The following FRMPD4 variants were observed in gnomAD, a reference collection of about 807,000 sequenced individuals.
FRMPD4 encodes the protein FERM and PDZ domain-containing protein 4.
A neutral mutation model predicts 94.1 loss-of-function variants in FRMPD4; 22 were observed. The observed-to-expected ratio is 0.23, with a 90% CI of 0.17 to 0.33. FRMPD4 has a LOEUF of 0.33. Ranked by LOEUF, FRMPD4 falls within the 10% of genes least tolerant of loss-of-function variation. The pLI, the probability that FRMPD4 is intolerant of heterozygous loss-of-function variation, is 1.00. For missense variants in FRMPD4, 1,111 were observed against 1,339.9 expected (o/e 0.83, Z 2.67); for synonymous variants, 631 against 548.6 (o/e 1.15, Z -2.10).
chrX:12,099,239 A>C (rs957033542), intron 3 of FRMPD4, among the ~76,000 whole-genome samples: 1 of 111,144 alleles, frequency 9.0e-6, no homozygotes, highest in African/African-American at 3.3e-5. Context: ...ATATATATAT[A>C]TTTCCAGTTG....
At chrX:12,368,931 TA>T (rs2056123747) in intron 1 of FRMPD4, among the ~76,000 whole-genome samples, 1 of 111,533 alleles carries the variant, frequency 9.0e-6, no homozygotes, top group South Asian at 3.8e-4. Context: ...AGCTATAAGT[TA>T]ACACCAAACT....
chrX:12,372,745 A>C (rs2056180437), intron 1 of FRMPD4, among the ~76,000 whole-genome samples: 1 of 112,699 alleles, frequency 8.9e-6, no homozygotes, highest in Admixed American at 9.3e-5. Context: ...GATCCTAGGA[A>C]GATGACATGT....
At chrX:12,324,567 T>A (rs940323881) in intron 1 of FRMPD4, among the ~76,000 whole-genome samples, 5 of 112,080 alleles carry the variant, frequency 4.5e-5, no homozygotes, top group Admixed American at 2.8e-4. Flanking sequence ...TCAACTGAAG[T>A]GCAATTTGAA....
intron 3 of FRMPD4, among the ~76,000 whole-genome samples, chrX:11,919,480 A>G (rs913519604): frequency 3.6e-5 from 4 of 111,157 alleles, no homozygotes; most frequent in Non-Finnish European, 5.7e-5. Context: ...ACAGGGGATC[A>G]TCAGTGCTGT....
exon 2 of FRMPD4, among the ~76,000 whole-genome samples, chrX:11,865,144 C>T (rs887023032): frequency 1.8e-5 from 2 of 111,693 alleles, no homozygotes. Flanking sequence ...GAATGTATCC[C>T]ATAGAGTGGA....
chrX:12,695,379 A>C (rs999555992), intron 9 of FRMPD4, among the ~76,000 whole-genome samples: 1 of 108,571 alleles, frequency 9.2e-6, no homozygotes, highest in Non-Finnish European at 1.9e-5. Flanking sequence ...ATTTGTGGAG[A>C]GTCACTTTGT....
In FRMPD4 at chrX:12,170,719, C is replaced by T. The variant is rs776629599; in HGVS notation, c.41+31707C>T. ...CAGTGCTGCTTGGTGGCAACTCCCG[C>T]GACTCCAGCAGCTTGGCTCTGGGGC... On this transcript the variant is annotated intron_variant, in intron 1 of 16. Transcript: ENST00000675598. Among the ~76,000 whole-genome samples the T allele has an allele frequency of 6.9e-3, 497 of 72,099 alleles. 5 individuals carry two copies. The highest frequency in any genetic ancestry group is 0.033 in the African/African-American group (474 of 14,170). The allele number at this position is 72,099 out of a possible 115,157, so 62.6% of individuals were successfully genotyped here.
At chrX:11,913,114 G>A (rs922041673) in intron 3 of FRMPD4, among the ~76,000 whole-genome samples, 5 of 112,151 alleles carry the variant, frequency 4.5e-5, no homozygotes, top group East Asian at 5.6e-4. Flanking sequence ...TCTAGCCTGC[G>A]ATTCACAATG....
chrX:12,406,753 T>C (rs774143816), intron 1 of FRMPD4, among the ~76,000 whole-genome samples: 43 of 112,417 alleles, frequency 3.8e-4, no homozygotes, highest in African/African-American at 1.2e-3. Context: ...GTTGCTGCAA[T>C]TCTATGTGTA....
intron 3 of FRMPD4, among the ~76,000 whole-genome samples, chrX:11,950,184 G>A (rs2054213609): frequency 9.0e-6 from 1 of 111,597 alleles, no homozygotes; most frequent in Admixed American, 9.5e-5. Context: ...TTCCCTGATT[G>A]CACTCACTCT....
At chrX:12,007,558 T>C (rs1356286563) in intron 3 of FRMPD4, among the ~76,000 whole-genome samples, 1 of 111,757 alleles carries the variant, frequency 8.9e-6, no homozygotes, top group Non-Finnish European at 1.9e-5. Flanking sequence ...AGGATGACCT[T>C]GGATGTGTCC....
At chrX:12,458,126 TG>T (rs1409814363) in intron 1 of FRMPD4, among the ~76,000 whole-genome samples, 1 of 112,105 alleles carries the variant, frequency 8.9e-6, no homozygotes, top group East Asian at 2.8e-4. Flanking sequence ...AAACTTTGGA[TG>T]TTGAGTCTTT....
chrX:12,668,805 A>G (rs1033640931), intron 4 of FRMPD4, among the ~76,000 whole-genome samples: 48 of 110,239 alleles, frequency 4.4e-4, no homozygotes, highest in African/African-American at 1.1e-3. Flanking sequence ...GGGTTTCACT[A>G]TGTTGGCCAG....
At chrX:11,985,230 C>A (rs2054422058) in intron 3 of FRMPD4, among the ~76,000 whole-genome samples, 2 of 111,867 alleles carry the variant, frequency 1.8e-5, no homozygotes, top group African/African-American at 6.5e-5. Flanking sequence ...GATAGGGCAC[C>A]AGGGCAGAGT....
intron 2 of FRMPD4, among the ~76,000 whole-genome samples, chrX:12,541,846 ATAC>A (rs2066495004): frequency 1.8e-5 from 2 of 111,899 alleles, no homozygotes; most frequent in Admixed American, 1.9e-4. Flanking sequence ...CCTCAATAAA[ATAC>A]TGGCAAACCG....
chrX:12,479,482 A>G (rs926809182), intron 1 of FRMPD4, among the ~76,000 whole-genome samples: 12 of 98,689 alleles, frequency 1.2e-4, no homozygotes, highest in African/African-American at 4.0e-4. Flanking sequence ...ATGTATATAC[A>G]TATATATACG....
intron 3 of FRMPD4, among the ~76,000 whole-genome samples, chrX:12,104,491 G>T (rs2055279963): frequency 8.9e-6 from 1 of 112,166 alleles, no homozygotes; most frequent in Non-Finnish European, 1.9e-5. Context: ...TAATATCTGT[G>T]GGGCCTGGAT....
chrX:12,000,228 A>G (rs1343179386), intron 3 of FRMPD4, among the ~76,000 whole-genome samples: 1 of 111,972 alleles, frequency 8.9e-6, no homozygotes, highest in Non-Finnish European at 1.9e-5. Flanking sequence ...AGGTTTTCAT[A>G]CAAGCTTGGA....
intron 2 of FRMPD4, among the ~76,000 whole-genome samples, chrX:12,533,893 A>G (rs767502252): frequency 6.8e-4 from 77 of 112,753 alleles, no homozygotes; most frequent in African/African-American, 2.2e-3. Context: ...TCTGAGGAGA[A>G]ATTCAAGCAG....
Sources: allele counts gnomAD v4.1 joint callset (sites outside exome capture counted in the v4.1 genomes callset), GRCh38; gene constraint gnomAD v4.1.1; transcripts MANE v1.5; gene names NCBI Gene and HGNC (gene_info 2026-07-23, HGNC 2026-07-21).